The following MUC6 variants were observed in gnomAD, a reference collection of about 807,000 sequenced individuals.
MUC6 encodes the protein mucin 6, oligomeric mucus/gel-forming (gene/pseudogene).
In MUC6, 188 loss-of-function variants were observed where a neutral mutation model predicts 201.5. That is an observed-to-expected ratio of 0.93 (90% CI 0.83 to 1.05). MUC6 has a LOEUF of 1.05. Ranked by LOEUF, MUC6 falls within the 50% of genes least tolerant of loss-of-function variation. The pLI is 0.00. For missense variants in MUC6, 2,706 were observed against 3,256.9 expected (o/e 0.83, Z 4.12); for synonymous variants, 1,228 against 1,389.4 (o/e 0.88, Z 2.58).
rs775416042 is a variant in MUC6, at chr11:1,016,531, G to C, written c.6270C>G (p.Ser2090=). ...TAGAGTTCTGAGGCAGCCAAGACGA[G>C]GAGGATATGAAGGAAGAAGAGGCTG... ...TATASSSFIS[S]SSWLPQNSSS... The change falls in exon 31 of 33, where the codon TCC becomes TCG. Residue 2090 remains serine (S), a synonymous_variant. Coordinates refer to ENST00000421673, the MANE Select transcript of MUC6 (RefSeq NM_005961.3). 6.4e-7 allele frequency: 1 copy of C among 1,563,492 alleles called. No homozygotes were observed. The highest frequency in any genetic ancestry group is 8.6e-7 in the Non-Finnish European group (1 of 1,161,990).
At chr11:1,036,472 G>A (rs1366049589) in intron 1 of MUC6, 132 bp downstream of exon 1, 9 of 1,076,186 alleles carry the variant, frequency 8.4e-6, no homozygotes, top group South Asian at 3.2e-5. Flanking sequence ...TCACGGAGCC[G>A]AGCTGGGGCC....
chr11:1,024,178 C>A, intron 24 of MUC6, 75 bp from the exon 25 acceptor site: 2 of 1,518,696 alleles, frequency 1.3e-6, no homozygotes, highest in Non-Finnish European at 1.8e-6. Flanking sequence ...CCTGCAGGGC[C>A]CTCAGTGTGG....
chr11:1,019,193 T>C (rs1281966241), intron 30 of MUC6, 82 bp downstream of exon 30: 9 of 1,454,144 alleles, frequency 6.2e-6, no homozygotes, highest in South Asian at 1.2e-5. Context: ...GGGTCTTCTT[T>C]ATGGCTGAAT....
At chr11:1,036,300 G>T (rs1215764082) in intron 1 of MUC6, among the ~76,000 whole-genome samples, 2 of 152,166 alleles carry the variant, frequency 1.3e-5, no homozygotes, top group Non-Finnish European at 2.9e-5. Context: ...TGTTCCCGCG[G>T]GAGTGCCGGA....
At position 1,015,762 on chromosome 11, in the gene MUC6, C is replaced by G; in HGVS notation, c.7039G>C (p.Gly2347Arg). 1 of 1,528,986 alleles carries G rather than the reference C, an allele frequency of 6.5e-7. No homozygotes were observed. The highest frequency in any genetic ancestry group is 8.8e-7 in the Non-Finnish European group (1 of 1,136,920). 94.7% of individuals were successfully genotyped at this position (1,528,986 alleles called of 1,614,324 possible). A position where few individuals can be genotyped will look rare whatever the true frequency, so the allele number is the denominator to read the frequency against. The part of the protein sequence containing the change: ...SLGTPTPTSP[G>R]VCSVREQQEE... ...GAAGGGCCACAGAGATGCCACTTAC[C>G]GGGTGAGGTGGGCGTAGGTGTCCCG... The change falls in exon 31 of 33, where the codon GGG becomes CGG. Residue 2347 changes from glycine to arginine, a missense_variant and splice_region_variant. Gly to Arg is a moderately radical substitution (Grantham distance 125). This residue lies in a region of MUC6 where 586 missense variants were observed against 488.0 expected (regional missense o/e 1.20). Coordinates refer to ENST00000421673, the MANE Select transcript of MUC6 (RefSeq NM_005961.3).
chr11:1,015,022 G>A (rs576425715), intron 31 of MUC6, among the ~76,000 whole-genome samples: 4 of 152,238 alleles, frequency 2.6e-5, no homozygotes, highest in Non-Finnish European at 4.4e-5. Flanking sequence ...TGGCGTTGTC[G>A]CCTGGTGGAG....
At chr11:1,027,916 C>T in intron 15 of MUC6, 49 bp downstream of exon 15, 1 of 1,560,418 alleles carries the variant, frequency 6.4e-7, no homozygotes. Flanking sequence ...ACCTTGTCAG[C>T]CACCACAGCC....
At position 1,024,112 on chromosome 11, in the gene MUC6, G is replaced by A. The variant is rs369458657; in HGVS notation, c.3226-9C>T. On this transcript the variant is annotated splice_polypyrimidine_tract_variant and intron_variant, in intron 24 of 32. Transcript: ENST00000421673. ...TAGGGCAGGTGGTATACCTGCAGGGGTGTGTGCCAGTCAGTGTCTGGCTGC... is the reference window on the plus strand; with the variant it reads ...TAGGGCAGGTGGTATACCTGCAGGGATGTGTGCCAGTCAGTGTCTGGCTGC... The A allele has an allele frequency of 5.6e-6, 9 of 1,610,416 alleles. No homozygotes were observed. Among genetic ancestry groups the A allele is most frequent in the Admixed American group, 1.7e-5 (1 of 59,880 alleles).
chr11:1,029,005 C>A, intron 11 of MUC6, 41 bp downstream of exon 11: 1 of 1,612,714 alleles, frequency 6.2e-7, no homozygotes, highest in Non-Finnish European at 8.5e-7. Flanking sequence ...CACCAGGGAG[C>A]GGAGCCCTGC....
chr11:1,025,943 C>A (rs750846947), intron 21 of MUC6, 28 bp from the exon 22 acceptor site: 1 of 1,597,492 alleles, frequency 6.3e-7, no homozygotes, highest in East Asian at 2.3e-5. Flanking sequence ...TGAGGAGGAG[C>A]CCTGGAGGCC....
At chr11:1,020,657 C>T (rs1856785667) in intron 28 of MUC6, 27 bp downstream of exon 28, 1 of 1,613,660 alleles carries the variant, frequency 6.2e-7, no homozygotes, top group Non-Finnish European at 8.5e-7. Flanking sequence ...CCTGCGTCAC[C>T]TTGGCACCTA....
intron 22 of MUC6, 118 bp from the exon 23 acceptor site, chr11:1,025,485 A>C: frequency 8.0e-7 from 1 of 1,256,494 alleles, no homozygotes; most frequent in Non-Finnish European, 1.1e-6. Flanking sequence ...CATGCACAGG[A>C]GCGCCTGCTG....
At chr11:1,030,110 T>C (rs1590053365) in intron 8 of MUC6, 103 bp downstream of exon 8, 19 of 1,346,252 alleles carry the variant, frequency 1.4e-5, no homozygotes, top group Non-Finnish European at 1.9e-5. Flanking sequence ...GGCAGCAGAA[T>C]GTTGGGGTGA....
intron 22 of MUC6, 46 bp downstream of exon 22, chr11:1,025,759 C>T: frequency 1.3e-6 from 2 of 1,520,964 alleles, no homozygotes; most frequent in South Asian, 1.2e-5. Context: ...GTGGCAGGGC[C>T]CCCTACCGCC....
intron 4 of MUC6, 149 bp downstream of exon 4, chr11:1,031,458 C>T (rs954030841): frequency 3.0e-5 from 40 of 1,318,566 alleles, no homozygotes; most frequent in African/African-American, 4.4e-5. Context: ...TGTTGCTGGT[C>T]AGGGGTCAGC....
chr11:1,014,651 G>T (rs1856560218), intron 31 of MUC6, among the ~76,000 whole-genome samples: 1 of 152,184 alleles, frequency 6.6e-6, no homozygotes, highest in Admixed American at 6.5e-5. Flanking sequence ...GAGAGCGTGG[G>T]TTTAAAAGTG....
intron 13 of MUC6, 29 bp downstream of exon 13, chr11:1,028,617 C>A: frequency 6.2e-7 from 1 of 1,600,220 alleles, no homozygotes; most frequent in Non-Finnish European, 8.5e-7. Context: ...GATGAGGCAA[C>A]AGGGCCACCT....
rs373554324 is a variant in MUC6, at chr11:1,014,019, G to C, written c.7040-18C>G. On this transcript the variant is annotated intron_variant, in intron 31 of 32. Transcript: ENST00000421673. ...GCAGACCCCTGGTAGCCGAGTGGAC[G>C]GTCAGCAGCGCCCAGGGTGGGCATG... 1.1e-5 allele frequency: 17 copies of C among 1,584,512 alleles called. No homozygotes were observed. The highest frequency in any genetic ancestry group is 2.7e-5 in the African/African-American group (2 of 74,366).
rs535117533 is a variant in MUC6, at chr11:1,018,677, G to A, written c.4124C>T (p.Pro1375Leu). Residue 1375 changes from proline (P) to leucine (L), a missense_variant, in exon 31 of 33, where the codon CCA (proline) becomes CTA (leucine). Pro to Leu is a moderately conservative substitution (Grantham distance 98). Around this residue, in one of 10 missense-constraint regions of MUC6, gnomAD observed 1,850 missense variants for 1,958.3 expected, o/e 0.94. Coordinates refer to ENST00000421673, the MANE Select transcript of MUC6 (RefSeq NM_005961.3). ...TPASTTGPTT[P>L]QPGQPTRPTA... ...GGGCCTCGTGGGTTGTCCTGGCTGTGGGGTGGTTGGGCCTGTGGTGCTTGC... is the reference window on the plus strand; with the variant it reads ...GGGCCTCGTGGGTTGTCCTGGCTGTAGGGTGGTTGGGCCTGTGGTGCTTGC... The A allele has an allele frequency of 2.7e-5, 44 of 1,613,156 alleles. 2 individuals carry two copies. In the South Asian group the frequency reaches 4.6e-4, roughly 17 times the overall value.
Sources: gnomAD v4.1 joint callset for allele counts (sites outside exome capture counted in the v4.1 genomes callset) on GRCh38, gnomAD v4.1.1 for gene constraint, gnomAD v4.1.1 regional missense constraint, MANE v1.5 for transcripts, NCBI Gene and HGNC (gene_info 2026-07-23, HGNC 2026-07-21) for gene names.